ZNF587B: variants seen among roughly 807,000 people sequenced by gnomAD.
ZNF587B encodes the protein zinc finger protein 587B.
ZNF587B carries 6 observed loss-of-function variants against 7.2 expected under a neutral mutation model. That is an observed-to-expected ratio of 0.83 (90% CI 0.46 to 1.65). The LOEUF is 1.65. ZNF587B is among the 40% of genes most tolerant of loss of function. The pLI is 0.01. For missense variants in ZNF587B, 749 were observed against 761.0 expected (o/e 0.98, Z 0.19); for synonymous variants, 274 against 254.3 (o/e 1.08, Z -0.74).
intron 1 of ZNF587B, among the ~76,000 whole-genome samples, chr19:57,832,382 G>T (rs1034164134): frequency 1.3e-5 from 2 of 152,254 alleles, no homozygotes; most frequent in African/African-American, 4.8e-5. Context: ...ACTGTGCCCG[G>T]CCAATTCTAT....
rs1343011163 is a variant in ZNF587B at position 57,841,589 on chromosome 19, A to G, written c.915A>G (p.Lys305=). 8.2e-6 allele frequency: 13 copies of G among 1,577,380 alleles called. No homozygotes were observed. The highest frequency in any genetic ancestry group is 4.1e-5 in the African/African-American group (3 of 73,806). The part of the protein sequence containing the change: ...GKPYGCEECG[K]YFSLEGYLRR... ...CTTATGGGTGTGAAGAATGTGGGAA[A>G]TATTTTAGCTTAGAAGGATATCTTA... The change falls in exon 3 of 3, where the codon AAA becomes AAG. Residue 305 remains lysine, a synonymous_variant. Transcript: ENST00000594901.
At position 57,842,068 on chromosome 19, in the gene ZNF587B, C is replaced by CT. The variant is rs770644664; in HGVS notation, c.1396dup (p.Tyr466LeufsTer11). 7.5e-6 allele frequency: 12 copies of CT among 1,590,600 alleles called. No homozygotes were observed. Among genetic ancestry groups the CT allele is most frequent in the Non-Finnish European group, 8.6e-6 (10 of 1,168,044 alleles). ...CAGCATGGCCATACTAGAAAAAGGC[C>CT]TTATATGTGTTGGGAATGTGGAAAA... On this transcript the variant is annotated frameshift_variant, in exon 3 of 3. Transcript: ENST00000594901. LOFTEE classifies it low-confidence loss of function (END_TRUNC).
chr19:57,831,967 A>G (rs2122202994), intron 1 of ZNF587B, among the ~76,000 whole-genome samples: 1 of 152,042 alleles, frequency 6.6e-6, no homozygotes, highest in East Asian at 1.9e-4. Flanking sequence ...CGGCCTCCGA[A>G]AGTGCTGGGA....
At chr19:57,831,389 A>G (rs952339612) in intron 1 of ZNF587B, among the ~76,000 whole-genome samples, 1 of 152,162 alleles carries the variant, frequency 6.6e-6, no homozygotes, top group African/African-American at 2.4e-5. Context: ...CGTTAGATGC[A>G]GTCTTTATTT....
rs774635301 is a variant in ZNF587B, at chr19:57,840,075, CAAAAAAAAAAAAAAA to C, written c.164-740_164-726del. Reference sequence around the variant, plus strand: ...GGGCAACAGAGCGAGACTCTGTCTCCAAAAAAAAAAAAAAAAAAAAAAAAAAAAAAAAAAAAAGCA... The same window carrying C: ...GGGCAACAGAGCGAGACTCTGTCTCCAAAAAAAAAAAAAAAAAAAAAAGCA... On this transcript the variant is annotated intron_variant, in intron 2 of 2. Coordinates refer to ENST00000594901, the MANE Select transcript of ZNF587B (RefSeq NM_001376223.1). Among the ~76,000 whole-genome samples the C allele has an allele frequency of 4.9e-4, 40 of 81,112 alleles. 2 individuals carry two copies. Among genetic ancestry groups the C allele is most frequent in the South Asian group, 9.6e-4 (2 of 2,092 alleles). 53.2% of individuals were successfully genotyped at this position (81,112 alleles called of 152,430 possible).
chr19:57,830,617 C>G, intron 1 of ZNF587B, 53 bp downstream of exon 1: 1 of 1,541,450 alleles, frequency 6.5e-7, no homozygotes, highest in South Asian at 1.2e-5. Context: ...ACCCAAAAGC[C>G]TGTAGTCTTG....
chr19:57,839,395 C>T (rs963725211), intron 2 of ZNF587B, among the ~76,000 whole-genome samples: 46 of 152,152 alleles, frequency 3.0e-4, no homozygotes, highest in Non-Finnish European at 1.6e-4. Context: ...CCTTGTTAGT[C>T]CTGTGGATGT....
Position 57,844,746 on chromosome 19 carries a change from T to G in ZNF587B, c.*2170T>G, listed in dbSNP as rs992289759. 1 of 152,400 alleles carries G rather than the reference T, an allele frequency of 6.6e-6. No individual in the cohort carries two copies. Among genetic ancestry groups the G allele is most frequent in the African/African-American group, 2.4e-5 (1 of 41,438 alleles). The allele number at this position is 152,400 out of a possible 1,614,324, so 9.4% of individuals were successfully genotyped here. A position where few individuals can be genotyped will look rare whatever the true frequency, so the allele number is the denominator to read the frequency against. Reference sequence around the variant, plus strand: ...ATATCACACTGAAAGATTGGTGATTTTTTTTGAACCAGACAAAATTCTCTC... The same window carrying G: ...ATATCACACTGAAAGATTGGTGATTGTTTTTGAACCAGACAAAATTCTCTC... On this transcript the variant is annotated 3_prime_UTR_variant, in exon 3 of 3. Transcript: ENST00000594901.
rs574874856 is a variant in ZNF587B, at chr19:57,843,214, A to T, written c.*638A>T. The T allele has an allele frequency of 1.9e-4, 157 of 820,886 alleles. 4 individuals are homozygous for T. The South Asian group carries it at 7.2e-3, about 38-fold the overall frequency. 50.9% of individuals were successfully genotyped at this position (820,886 alleles called of 1,614,324 possible). ...TACCATGTTTCCAGGCTGGTATCGA[A>T]CTCCTGAGCTCAAGCAATCTGTACA... On this transcript the variant is annotated 3_prime_UTR_variant, in exon 3 of 3. Coordinates refer to ENST00000594901, the MANE Select transcript of ZNF587B (RefSeq NM_001376223.1).
At chr19:57,840,112 A>G (rs1351395231) in intron 2 of ZNF587B, among the ~76,000 whole-genome samples, 2 of 134,658 alleles carry the variant, frequency 1.5e-5, no homozygotes, top group South Asian at 4.7e-4. Context: ...AAAAAAAAAA[A>G]GCAGCACCCT....
chr19:57,838,619 A>C (rs978311030), intron 1 of ZNF587B, among the ~76,000 whole-genome samples: 12 of 151,522 alleles, frequency 7.9e-5, no homozygotes, highest in Non-Finnish European at 1.2e-4. Context: ...AACAAACAAA[A>C]AAAGATACTT....
intron 1 of ZNF587B, among the ~76,000 whole-genome samples, chr19:57,830,802 T>TA (rs1372846255): frequency 6.6e-5 from 8 of 120,620 alleles, no homozygotes; most frequent in African/African-American, 2.3e-4. Context: ...GTCCGTTTAT[T>TA]TAAAAAAAAA....
rs1436053701 is a variant in ZNF587B, at chr19:57,842,026, G to T, written c.1352G>T (p.Gly451Val). The change falls in exon 3 of 3, where the codon GGT (glycine) becomes GTT (valine). Residue 451 changes from glycine (G) to valine (V), a missense_variant. Coordinates refer to ENST00000594901, the MANE Select transcript of ZNF587B (RefSeq NM_001376223.1). ...GECGKCFSHK[G>V]NLILHQHGHT... ...TGTGGGAAATGTTTTAGTCACAAGG[G>T]TAACCTCATTCTACACCAGCATGGC... 3.1e-6 allele frequency: 5 copies of T among 1,595,240 alleles called. No individual in the cohort carries two copies. The highest frequency in any genetic ancestry group is 4.3e-6 in the Non-Finnish European group (5 of 1,170,648).
Position 57,843,562 on chromosome 19 carries a change from G to A in ZNF587B, c.*986G>A. On this transcript the variant is annotated 3_prime_UTR_variant, in exon 3 of 3. Coordinates refer to ENST00000594901, the MANE Select transcript of ZNF587B (RefSeq NM_001376223.1). ...GAGAGATTTTTTTTTTAAGTTTTTT[G>A]TTTGGTTGGTTGGTTGGTTGGTTGG... 1.1e-6 allele frequency: 1 copy of A among 883,136 alleles called. No homozygotes were observed. The highest frequency in any genetic ancestry group is 1.3e-6 in the Non-Finnish European group (1 of 771,946). The allele number at this position is 883,136 out of a possible 1,614,324, so 54.7% of individuals were successfully genotyped here.
Position 57,845,455 on chromosome 19 carries a change from A to G in ZNF587B, c.*2879A>G, listed in dbSNP as rs1989027786. ...ATTCATGTAACCTTTTGGGCTGCTC[A>G]CCTTAAGGTAACTCCTGTATTAACA... On this transcript the variant is annotated 3_prime_UTR_variant, in exon 3 of 3. Coordinates refer to ENST00000594901, the MANE Select transcript of ZNF587B (RefSeq NM_001376223.1). 6.6e-6 allele frequency: 1 copy of G among 152,168 alleles called. No homozygotes were observed. Among genetic ancestry groups the G allele is most frequent in the Admixed American group, 6.5e-5 (1 of 15,272 alleles). The allele number at this position is 152,168 out of a possible 1,614,324, so 9.4% of individuals were successfully genotyped here.
rs1324983172 is a variant in ZNF587B, at chr19:57,842,875, G to A, written c.*299G>A. The A allele has an allele frequency of 4.1e-6, 4 of 985,282 alleles. No homozygotes were observed. In the African/African-American group the frequency reaches 5.2e-5, roughly 13 times the overall value. The allele number at this position is 985,282 out of a possible 1,614,324, so 61.0% of individuals were successfully genotyped here. A position where few individuals can be genotyped will look rare whatever the true frequency, so the allele number is the denominator to read the frequency against. On this transcript the variant is annotated 3_prime_UTR_variant, in exon 3 of 3. Transcript: ENST00000594901. The stretch of plus-strand genomic sequence containing the variant: ...AAACTCACAGGAGAGCTGTCACTAC[G>A]GAAATGCCTTTTGAATGTAATGTTT...
Position 57,842,582 on chromosome 19 carries a change from G to A in ZNF587B, c.*6G>A. On this transcript the variant is annotated 3_prime_UTR_variant, in exon 3 of 3. Coordinates refer to ENST00000594901, the MANE Select transcript of ZNF587B (RefSeq NM_001376223.1). ...ATGAAAGAAAGGCCTTATGAGTGCAGAGAATGAGTCCAGTCTCATTAAATA... is the reference window on the plus strand; with the variant it reads ...ATGAAAGAAAGGCCTTATGAGTGCAAAGAATGAGTCCAGTCTCATTAAATA... 1 of 1,501,196 alleles carries A rather than the reference G, an allele frequency of 6.7e-7. No homozygotes were observed. The highest frequency in any genetic ancestry group is 8.8e-7 in the Non-Finnish European group (1 of 1,131,620). The allele number at this position is 1,501,196 out of a possible 1,614,324, so 93.0% of individuals were successfully genotyped here.
rs1988982998 is a variant in ZNF587B at position 57,844,114 on chromosome 19, C to A, written c.*1538C>A. On this transcript the variant is annotated 3_prime_UTR_variant, in exon 3 of 3. Coordinates refer to ENST00000594901, the MANE Select transcript of ZNF587B (RefSeq NM_001376223.1). ...CACAGAAGGATTTGTTGAGTAGCCT[C>A]AGCACTTCTTGCTTTTTCATTTCTT... 1 of 288,772 alleles carries A rather than the reference C, an allele frequency of 3.5e-6. No homozygotes were observed. Among genetic ancestry groups the A allele is most frequent in the Non-Finnish European group, 6.9e-6 (1 of 145,594 alleles). The allele number at this position is 288,772 out of a possible 1,614,324, so 17.9% of individuals were successfully genotyped here. A position where few individuals can be genotyped will look rare whatever the true frequency, so the allele number is the denominator to read the frequency against.
Position 57,845,404 on chromosome 19 carries a change from G to C in ZNF587B, c.*2828G>C, listed in dbSNP as rs1414489217. 1 of 152,196 alleles carries C rather than the reference G, an allele frequency of 6.6e-6. No individual in the cohort carries two copies. Among genetic ancestry groups the C allele is most frequent in the Non-Finnish European group, 1.5e-5 (1 of 68,032 alleles). 9.4% of individuals were successfully genotyped at this position (152,196 alleles called of 1,614,324 possible). A position where few individuals can be genotyped will look rare whatever the true frequency, so the allele number is the denominator to read the frequency against. On this transcript the variant is annotated 3_prime_UTR_variant, in exon 3 of 3. Coordinates refer to ENST00000594901, the MANE Select transcript of ZNF587B (RefSeq NM_001376223.1). ...ATGTTGTGTAGCTAAGCTTTGGTCA[G>C]AGGAAATAATCTAAAGGTTTTGTGA...
Sources: allele counts gnomAD v4.1 joint callset (sites outside exome capture counted in the v4.1 genomes callset), GRCh38; gene constraint gnomAD v4.1.1; transcripts MANE v1.5; gene names NCBI Gene and HGNC (gene_info 2026-07-23, HGNC 2026-07-21).